ITK: variants seen among roughly 807,000 people sequenced by gnomAD.
ITK encodes the protein tyrosine-protein kinase ITK/TSK.
ITK carries 45 observed loss-of-function variants against 87.6 expected under a neutral mutation model. The observed-to-expected ratio is 0.51, with a 90% confidence interval of 0.40 to 0.66. ITK has a LOEUF of 0.66. Among genes scored for constraint, ITK ranks in the 30% least tolerant of loss-of-function variants. The pLI is 0.00. For missense variants in ITK, 605 were observed against 766.3 expected (o/e 0.79, Z 2.48); for synonymous variants, 303 against 273.6 (o/e 1.11, Z -1.06).
At chr5:157,245,553 G>A (rs1184030015) in intron 13 of ITK, 173 bp from the exon 14 acceptor site, 1 of 676,394 alleles carries the variant, frequency 1.5e-6, no homozygotes, top group East Asian at 2.7e-5. Context: ...CAACTTTCCA[G>A]TTAACTTCCA....
intron 15 of ITK, among the ~76,000 whole-genome samples, chr5:157,247,486 C>G (rs1397628748): frequency 6.6e-6 from 1 of 152,230 alleles, no homozygotes; most frequent in Non-Finnish European, 1.5e-5. Flanking sequence ...ACATTTGGAG[C>G]AATGGCCACT....
intron 5 of ITK, among the ~76,000 whole-genome samples, chr5:157,219,819 G>T (rs762125204): frequency 2.0e-5 from 3 of 152,174 alleles, no homozygotes; most frequent in Non-Finnish European, 2.9e-5. Flanking sequence ...CTTAAGTGAG[G>T]CTGCTCTTGT....
chr5:157,253,904 G>A lies in ITK; in HGVS notation c.*1226G>A, dbSNP rs1755200444. The A allele has an allele frequency of 4.5e-6, 1 of 222,868 alleles. No homozygotes were observed. The highest frequency in any genetic ancestry group is 9.0e-6 in the Non-Finnish European group (1 of 111,642). The allele number at this position is 222,868 out of a possible 1,614,324, so 13.8% of individuals were successfully genotyped here. A position where few individuals can be genotyped will look rare whatever the true frequency, so the allele number is the denominator to read the frequency against. ...GCAAGGTGAATATGTACTGAGCTAG[G>A]AGACTTCCCTGCAAAATCTCTGTTC... On this transcript the variant is annotated 3_prime_UTR_variant, in exon 17 of 17. Transcript: ENST00000422843.
At chr5:157,186,016 A>C (rs1164721920) in intron 1 of ITK, among the ~76,000 whole-genome samples, 2 of 152,160 alleles carry the variant, frequency 1.3e-5, no homozygotes, top group African/African-American at 4.8e-5. Flanking sequence ...ACCACTCTGT[A>C]AGTTAGGAAC....
At chr5:157,185,630 G>A (rs421459) in intron 1 of ITK, among the ~76,000 whole-genome samples, 22,011 of 150,808 alleles carry the variant, frequency 0.15, 1,859 homozygotes, top group African/African-American at 0.22. Flanking sequence ...CGGATCACTT[G>A]AGCCCAGGAA....
rs568333579 is a variant in ITK at position 157,237,585 on chromosome 5, GT to G, written c.769-520del. On this transcript the variant is annotated intron_variant, in intron 8 of 16. Coordinates refer to ENST00000422843, the MANE Select transcript of ITK (RefSeq NM_005546.4). ...AGACACTGATGAAGTTTTCAGGACA[GT>G]TTTGTGCCTTTGTAGGGAAATGGAG... 1.3e-3 allele frequency among the ~76,000 whole-genome samples: 194 copies of G among 152,342 alleles called. 1 individual carries two copies. The highest frequency in any genetic ancestry group is 4.5e-3 in the African/African-American group (185 of 41,572).
intron 1 of ITK, among the ~76,000 whole-genome samples, chr5:157,192,819 T>G (rs183131985): frequency 2.0e-5 from 3 of 152,274 alleles, no homozygotes; most frequent in Admixed American, 6.5e-5. Flanking sequence ...GTAAATTGAA[T>G]AGTAGAAATG....
At chr5:157,198,183 G>A (rs2113744429) in intron 1 of ITK, among the ~76,000 whole-genome samples, 1 of 151,496 alleles carries the variant, frequency 6.6e-6, no homozygotes, top group South Asian at 2.1e-4. Context: ...CAGCCCCCAG[G>A]ACCACCCACA....
At chr5:157,250,081 A>G (rs1755111144) in intron 16 of ITK, among the ~76,000 whole-genome samples, 1 of 152,220 alleles carries the variant, frequency 6.6e-6, no homozygotes, top group African/African-American at 2.4e-5. Context: ...TACATTAACT[A>G]AAGTTCATAG....
chr5:157,214,467 C>A, intron 4 of ITK, 148 bp downstream of exon 4: 1 of 720,564 alleles, frequency 1.4e-6, no homozygotes, highest in South Asian at 1.6e-5. Flanking sequence ...GTCTTTCCTA[C>A]CAGCCTGTTG....
chr5:157,249,470 C>A (rs1012909788), intron 16 of ITK, among the ~76,000 whole-genome samples: 3 of 152,220 alleles, frequency 2.0e-5, no homozygotes, highest in Admixed American at 2.0e-4. Flanking sequence ...TGTACCCGCC[C>A]AGGTGGCTCA....
Position 157,240,180 on chromosome 5 carries a change from C to T in ITK, c.970C>T (p.Gln324Ter). ...CATCCCTCTTCTCATCAACTATCAC[C>T]AACATAATGGAGGAGGTAAGCTCTA... is the stretch of plus-strand genomic sequence containing the variant. ...DSIPLLINYH[Q>*]HNGGGLVTRL... The change falls in exon 10 of 17, where the codon CAA becomes TAA. Residue 324 changes from glutamine (Q) to a stop codon, truncating the protein, a stop_gained. Coordinates refer to ENST00000422843, the MANE Select transcript of ITK (RefSeq NM_005546.4). LOFTEE classifies it high-confidence loss of function. The T allele has an allele frequency of 6.2e-7, 1 of 1,614,096 alleles. No homozygotes were observed. Among genetic ancestry groups the T allele is most frequent in the Non-Finnish European group, 8.5e-7 (1 of 1,179,998 alleles).
chr5:157,200,482 C>G (rs546103152), intron 1 of ITK, among the ~76,000 whole-genome samples: 5 of 152,302 alleles, frequency 3.3e-5, no homozygotes, highest in African/African-American at 1.2e-4. Context: ...GGCAATCACC[C>G]TTTCCCAGAG....
chr5:157,214,179 A>C lies in ITK; in HGVS notation c.326-12A>C. The C allele has an allele frequency of 6.2e-7, 1 of 1,610,982 alleles. No homozygotes were observed. Among genetic ancestry groups the C allele is most frequent in the Non-Finnish European group, 8.5e-7 (1 of 1,177,160 alleles). ...TGGAAATAACTCTTCTGTTGGTGCC[A>C]ACCTGTTTCAGAAACGAGGAATAAT... On this transcript the variant is annotated splice_polypyrimidine_tract_variant and intron_variant, in intron 3 of 16. Coordinates refer to ENST00000422843, the MANE Select transcript of ITK (RefSeq NM_005546.4).
In ITK at chr5:157,222,567, G is replaced by A. The variant is rs761463325; in HGVS notation, c.496-296G>A. 3.3e-5 allele frequency among the ~76,000 whole-genome samples: 5 copies of A among 152,332 alleles called. No individual in the cohort carries two copies. The South Asian group carries it at 1.0e-3, about 32-fold the overall frequency. On this transcript the variant is annotated intron_variant, in intron 5 of 16. Coordinates refer to ENST00000422843, the MANE Select transcript of ITK (RefSeq NM_005546.4). ...GCATCTCCTTTGCCAAGGGCATGAT[G>A]CATCCAGCAGAGAGGCTGCTGCATA...
chr5:157,238,229 C>T, intron 9 of ITK, 38 bp downstream of exon 9: 2 of 1,475,786 alleles, frequency 1.4e-6, no homozygotes, highest in Non-Finnish European at 1.9e-6. Flanking sequence ...TGGAGAGAAA[C>T]ACTTCTGAAG....
intron 2 of ITK, among the ~76,000 whole-genome samples, chr5:157,209,351 CAG>C (rs1754142805): frequency 6.6e-6 from 1 of 150,932 alleles, no homozygotes; most frequent in Non-Finnish European, 1.5e-5. Context: ...AAAAAATCCT[CAG>C]TCACTGTGAG....
intron 6 of ITK, among the ~76,000 whole-genome samples, chr5:157,228,031 G>A (rs912326491): frequency 1.3e-5 from 2 of 151,716 alleles, no homozygotes; most frequent in African/African-American, 4.8e-5. Flanking sequence ...AGTAGAGACA[G>A]GGTTTCAGCA....
chr5:157,252,818 C>T lies in ITK; in HGVS notation c.*140C>T, dbSNP rs536343015. On this transcript the variant is annotated 3_prime_UTR_variant, in exon 17 of 17. Coordinates refer to ENST00000422843, the MANE Select transcript of ITK (RefSeq NM_005546.4). The stretch of plus-strand genomic sequence containing the variant: ...GCCTGTGGCATCAGTCCCTGAGTCA[C>T]CATGGAAGCAGCATCCTGACCACAG... 8.7e-4 allele frequency: 626 copies of T among 722,800 alleles called. 1 individual carries two copies. The highest frequency in any genetic ancestry group is 1.5e-3 in the Admixed American group (76 of 50,658). The allele number at this position is 722,800 out of a possible 1,614,324, so 44.8% of individuals were successfully genotyped here.
Sources: allele counts gnomAD v4.1 joint callset (sites outside exome capture counted in the v4.1 genomes callset), GRCh38; gene constraint gnomAD v4.1.1; transcripts MANE v1.5; gene names NCBI Gene and HGNC (gene_info 2026-07-23, HGNC 2026-07-21).